The following FAM156A variants were observed in gnomAD, a reference collection of about 807,000 sequenced individuals.
FAM156A encodes protein FAM156A/FAM156B.
At chrX:52,981,357 A>G (rs1305417877) in intron 1 of FAM156A, among the ~76,000 whole-genome samples, 1 of 111,800 alleles carries the variant, frequency 8.9e-6, no homozygotes. Flanking sequence ...TGAAGCTGAC[A>G]TGAATGCCTT....
At chrX:52,989,056 T>C (rs1171101775) in intron 1 of FAM156A, among the ~76,000 whole-genome samples, 2 of 111,862 alleles carry the variant, frequency 1.8e-5, no homozygotes, top group Admixed American at 1.9e-4. Flanking sequence ...TCAGAACAGG[T>C]GAGTCATTAT....
intron 1 of FAM156A, among the ~76,000 whole-genome samples, chrX:52,990,910 G>T (rs1213531156): frequency 9.0e-6 from 1 of 111,472 alleles, no homozygotes; most frequent in African/African-American, 3.3e-5. Flanking sequence ...GGAAGGCCTC[G>T]GCAAAGGACT....
At chrX:52,979,573 G>A (rs1196545965) in intron 1 of FAM156A, among the ~76,000 whole-genome samples, 2 of 110,735 alleles carry the variant, frequency 1.8e-5, no homozygotes, top group Non-Finnish European at 3.8e-5. Context: ...GCAGCCTGAC[G>A]ACCTAGCCTG....
At chrX:52,973,343 C>G (rs2040303070) in intron 1 of FAM156A, among the ~76,000 whole-genome samples, 1 of 110,571 alleles carries the variant, frequency 9.0e-6, no homozygotes, top group African/African-American at 3.3e-5. Flanking sequence ...ATTCAAACCC[C>G]AACACCAATG....
intron 1 of FAM156A, among the ~76,000 whole-genome samples, chrX:52,993,224 G>C (rs1169272100): frequency 9.1e-6 from 1 of 110,277 alleles, no homozygotes; most frequent in Non-Finnish European, 1.9e-5. Context: ...CCCTGCTCCA[G>C]GGCTGTTGCA....
At chrX:52,981,520 C>T (rs1478521039) in intron 1 of FAM156A, among the ~76,000 whole-genome samples, 2 of 111,938 alleles carry the variant, frequency 1.8e-5, no homozygotes, top group African/African-American at 6.5e-5. Flanking sequence ...CCAAGGCCCC[C>T]AGTGTGGCTT....
intron 1 of FAM156A, among the ~76,000 whole-genome samples, chrX:52,989,184 C>T (rs1212930898): frequency 9.0e-6 from 1 of 111,145 alleles, no homozygotes; most frequent in Non-Finnish European, 1.9e-5. Flanking sequence ...TCTCGGGGCA[C>T]CCATAGGCAG....
chrX:52,977,622 G>A (rs993843664), intron 1 of FAM156A, among the ~76,000 whole-genome samples: 2 of 110,248 alleles, frequency 1.8e-5, no homozygotes, highest in African/African-American at 6.6e-5. Context: ...TTCTTGTAGA[G>A]ACAAGGTCTC....
In FAM156A at chrX:52,973,247, A is replaced by G. The variant is rs782374961; in HGVS notation, c.-433-9012T>C. 2.2e-4 allele frequency among the ~76,000 whole-genome samples: 23 copies of G among 106,102 alleles called. No individual in the cohort carries two copies. The South Asian group carries it at 5.7e-3, about 26-fold the overall frequency. 92.1% of individuals were successfully genotyped at this position (106,102 alleles called of 115,157 possible). A position where few individuals can be genotyped will look rare whatever the true frequency, so the allele number is the denominator to read the frequency against. On this transcript the variant is annotated intron_variant, in intron 1 of 4. Coordinates refer to the FAM156A transcript ENST00000610625. ...TAAAAAATTAAAAAAAAATAAATTCACATTTATAGCTGCTGCAAAAAAAAA... is the reference window on the plus strand; with the variant it reads ...TAAAAAATTAAAAAAAAATAAATTCGCATTTATAGCTGCTGCAAAAAAAAA...
chrX:52,992,561 C>T (rs782665072), intron 1 of FAM156A, among the ~76,000 whole-genome samples: 3 of 110,351 alleles, frequency 2.7e-5, no homozygotes, highest in Non-Finnish European at 5.7e-5. Flanking sequence ...GGGACACTCA[C>T]GCGACTCCCA....
chrX:52,982,228 T>G (rs1294568400), intron 1 of FAM156A, among the ~76,000 whole-genome samples: 3 of 112,163 alleles, frequency 2.7e-5, no homozygotes, highest in Non-Finnish European at 5.6e-5. Context: ...CCAAGGTGGG[T>G]GGATCACTTG....
chrX:52,981,432 G>A (rs1569204685), intron 1 of FAM156A, among the ~76,000 whole-genome samples: 1 of 111,556 alleles, frequency 9.0e-6, no homozygotes, highest in East Asian at 2.8e-4. Flanking sequence ...GAAGGCACAC[G>A]TGGTACCCCT....
At chrX:52,985,627 C>T (rs782083026) in intron 1 of FAM156A, among the ~76,000 whole-genome samples, 6 of 111,170 alleles carry the variant, frequency 5.4e-5, no homozygotes, top group Non-Finnish European at 7.5e-5. Context: ...TCTTTGAAAA[C>T]TTTAATACAA....
At chrX:52,977,103 CACAT>C (rs1440084465) in intron 1 of FAM156A, among the ~76,000 whole-genome samples, 4 of 96,384 alleles carry the variant, frequency 4.2e-5, no homozygotes, top group Admixed American at 2.3e-4. Context: ...CACACACACA[CACAT>C]ATATATATAT....
At chrX:52,992,802 G>A (rs1206849311) in intron 1 of FAM156A, among the ~76,000 whole-genome samples, 2 of 110,897 alleles carry the variant, frequency 1.8e-5, no homozygotes, top group Non-Finnish European at 3.8e-5. Context: ...TTCCATCCCA[G>A]TTCCTTTCTC....
chrX:52,993,707 G>A (rs1008451195), intron 1 of FAM156A, among the ~76,000 whole-genome samples: 2 of 111,182 alleles, frequency 1.8e-5, no homozygotes, highest in Admixed American at 9.5e-5. Context: ...GAGCCACTGC[G>A]TCAGCCACTG....
intron 1 of FAM156A, among the ~76,000 whole-genome samples, chrX:52,982,408 C>G (rs1009073888): frequency 2.9e-4 from 32 of 111,820 alleles, no homozygotes; most frequent in African/African-American, 1.0e-3. Context: ...GAACCAAGAT[C>G]AAGCCACTGC....
At position 52,980,313 on chromosome X, in the gene FAM156A, A is replaced by C. The variant is rs1269360738; in HGVS notation, c.-434+14993T>G. On this transcript the variant is annotated intron_variant, in intron 1 of 4. Coordinates refer to the FAM156A transcript ENST00000610625. ...ACAATGAGGGGAATCCAACTTACCT[A>C]CCAAAGGGATCATTTCCATGATAAG... is the stretch of plus-strand genomic sequence containing the variant. Among the ~76,000 whole-genome samples, 5 of 111,740 alleles carry C rather than the reference A, an allele frequency of 4.5e-5. No individual in the cohort carries two copies. In the Admixed American group the frequency reaches 4.8e-4, roughly 11 times the overall value.
intron 1 of FAM156A, among the ~76,000 whole-genome samples, chrX:52,982,883 C>G (rs1930007954): frequency 8.8e-6 from 1 of 113,115 alleles, no homozygotes; most frequent in Admixed American, 9.3e-5. Context: ...CTGGTGACAG[C>G]TCTGCATTGA....
Sources: allele counts gnomAD v4.1 joint callset (sites outside exome capture counted in the v4.1 genomes callset), GRCh38; gene constraint gnomAD v4.1.1; transcripts MANE v1.5; gene names NCBI Gene and HGNC (gene_info 2026-07-23, HGNC 2026-07-21).